ZNF626: variants seen among roughly 807,000 people sequenced by gnomAD.
ZNF626 encodes the protein zinc finger protein 626, also known as CTC-513N18.7.
ZNF626 carries 4 observed loss-of-function variants against 11.7 expected under a neutral mutation model. That is an observed-to-expected ratio of 0.34 (90% CI 0.17 to 0.78). The LOEUF (loss-of-function observed/expected upper bound fraction) is 0.78. Ranked by LOEUF, ZNF626 falls within the 30% of genes least tolerant of loss-of-function variation. The pLI is 0.57. For synonymous variants in ZNF626, 179 were observed against 198.6 expected (o/e 0.90, Z 0.83); for missense variants, 588 against 587.1 (o/e 1.00, Z -0.01).
At chr19:20,658,245 C>G (rs1053616313) in intron 1 of ZNF626, among the ~76,000 whole-genome samples, 1 of 152,110 alleles carries the variant, frequency 6.6e-6, no homozygotes. Context: ...AGATTATAAC[C>G]GGGAGGTCCA....
chr19:20,641,936 C>A (rs990871661), intron 3 of ZNF626, among the ~76,000 whole-genome samples: 4 of 141,742 alleles, frequency 2.8e-5, no homozygotes, highest in African/African-American at 8.0e-5. Flanking sequence ...AAAAAAAAAA[C>A]TGAAAAAAAT....
At chr19:20,633,802 G>A (rs78372521) in intron 3 of ZNF626, among the ~76,000 whole-genome samples, 11 of 152,080 alleles carry the variant, frequency 7.2e-5, no homozygotes, top group Admixed American at 2.6e-4. Flanking sequence ...ACCATCCTGC[G>A]CCTACTGTCT....
rs567636048 is a variant in ZNF626 at position 20,625,394 on chromosome 19, G to A, written c.483C>T (p.Asn161=). The A allele has an allele frequency of 2.9e-5, 47 of 1,614,010 alleles. No homozygotes were observed. In the South Asian group the frequency reaches 3.5e-4, roughly 12 times the overall value. Residue 161 remains asparagine, a synonymous_variant, in exon 4 of 4, where the codon AAC becomes AAT. Coordinates refer to ENST00000601440, the MANE Select transcript of ZNF626 (RefSeq NM_001076675.3). ...TCCCAGTATGTCCTCTCTTTTGTCC[G>A]TTTGAATTTGGAAATTGATGAAGGA... is the stretch of plus-strand genomic sequence containing the variant. ...VKVLHQFPNS[N]GQKRGHTGKK...
intron 1 of ZNF626, among the ~76,000 whole-genome samples, chr19:20,657,710 CAGG>C (rs1453324707): frequency 2.0e-5 from 3 of 151,912 alleles, no homozygotes; most frequent in East Asian, 1.9e-4. Context: ...GAGGCTGAGG[CAGG>C]AGAATTGCTT....
chr19:20,630,686 C>G (rs1382764780), intron 3 of ZNF626, among the ~76,000 whole-genome samples: 1 of 152,008 alleles, frequency 6.6e-6, no homozygotes, highest in Non-Finnish European at 1.5e-5. Context: ...CTTTATTAGT[C>G]TTGCTAGTGG....
rs551497430 is a variant in ZNF626 at position 20,658,671 on chromosome 19, G to T, written c.3+2773C>A. Among the ~76,000 whole-genome samples, 5 of 152,126 alleles carry T rather than the reference G, an allele frequency of 3.3e-5. No individual in the cohort carries two copies. In the South Asian group the frequency reaches 1.0e-3, roughly 32 times the overall value. On this transcript the variant is annotated intron_variant, in intron 1 of 3. Transcript: ENST00000601440. ...CTGGCCCCAGTGATATCTTTTTTCT[G>T]GCACCAAATCTATAGAGTTTGCTGA...
At chr19:20,653,070 G>A (rs2144791721) in intron 1 of ZNF626, among the ~76,000 whole-genome samples, 1 of 152,220 alleles carries the variant, frequency 6.6e-6, no homozygotes, top group East Asian at 1.9e-4. Context: ...TAAGAAATAG[G>A]CAGAAACACA....
At chr19:20,639,029 G>A (rs185327590) in intron 3 of ZNF626, among the ~76,000 whole-genome samples, 1 of 152,178 alleles carries the variant, frequency 6.6e-6, no homozygotes, top group African/African-American at 2.4e-5. Context: ...GTCAACAACT[G>A]CTTCTGGTGA....
chr19:20,643,866 T>C (rs1328292092), intron 3 of ZNF626, among the ~76,000 whole-genome samples: 2 of 152,196 alleles, frequency 1.3e-5, no homozygotes, highest in African/African-American at 4.8e-5. Flanking sequence ...GGGATGCAGT[T>C]GTGAAACCCT....
intron 1 of ZNF626, among the ~76,000 whole-genome samples, chr19:20,660,132 T>G (rs1970248201): frequency 6.6e-6 from 1 of 151,284 alleles, no homozygotes; most frequent in Non-Finnish European, 1.5e-5. Flanking sequence ...TGATGGTGCA[T>G]GCCTGTAATC....
chr19:20,633,502 C>T (rs10423012), intron 3 of ZNF626, among the ~76,000 whole-genome samples: 11,329 of 151,616 alleles, frequency 0.075, 1,194 homozygotes, highest in African/African-American at 0.24. Flanking sequence ...GGGCGCCCCT[C>T]GCCCAGCCTC....
chr19:20,628,350 A>C (rs553781207), intron 3 of ZNF626, among the ~76,000 whole-genome samples: 91 of 151,820 alleles, frequency 6.0e-4, no homozygotes, highest in African/African-American at 2.0e-3. Flanking sequence ...CTGAGGAATC[A>C]CCACACTGAC....
intron 3 of ZNF626, among the ~76,000 whole-genome samples, chr19:20,636,879 G>C (rs1490088859): frequency 6.6e-6 from 1 of 151,928 alleles, no homozygotes; most frequent in East Asian, 1.9e-4. Context: ...AAATTATTTG[G>C]GCATGGTGGC....
intron 1 of ZNF626, among the ~76,000 whole-genome samples, chr19:20,647,275 C>T (rs1181274118): frequency 1.3e-5 from 2 of 151,886 alleles, no homozygotes; most frequent in African/African-American, 4.8e-5. Flanking sequence ...AAACAAACAG[C>T]CCTCATTTAC....
chr19:20,660,721 A>T (rs1478500859), intron 1 of ZNF626, among the ~76,000 whole-genome samples: 1 of 151,808 alleles, frequency 6.6e-6, no homozygotes, highest in Non-Finnish European at 1.5e-5. Context: ...GCGCCCAGCA[A>T]GAAAGGGGTT....
rs1970066618 is a variant in ZNF626, at chr19:20,645,519, TAAAA to T, written c.226+161_226+164del. The T allele has an allele frequency of 2.6e-6, 4 of 1,566,478 alleles. No individual in the cohort carries two copies. The East Asian group carries it at 9.1e-5, about 35-fold the overall frequency. On this transcript the variant is annotated intron_variant, in intron 3 of 3. Transcript: ENST00000601440. ...GAAGATGCCCCTTTGTAAGCAAAAT[TAAAA>T]AAGAAAAAACCAAACAAACAAACAA...
intron 1 of ZNF626, among the ~76,000 whole-genome samples, chr19:20,659,638 T>C (rs1970242806): frequency 6.6e-6 from 1 of 152,120 alleles, no homozygotes; most frequent in Admixed American, 6.5e-5. Context: ...AGAAAAGCCC[T>C]TTTCTGCCTA....
chr19:20,641,045 A>G (rs1404831761), intron 3 of ZNF626, among the ~76,000 whole-genome samples: 4 of 151,540 alleles, frequency 2.6e-5, no homozygotes, highest in African/African-American at 9.7e-5. Flanking sequence ...CTGAAGCAGG[A>G]GAATCGCTTG....
At chr19:20,656,627 A>T (rs1371317176) in intron 1 of ZNF626, among the ~76,000 whole-genome samples, 1 of 152,174 alleles carries the variant, frequency 6.6e-6, no homozygotes, top group Non-Finnish European at 1.5e-5. Context: ...AAGTAGGCAA[A>T]TAACACGAAC....
Sources: gnomAD v4.1 joint callset for allele counts (sites outside exome capture counted in the v4.1 genomes callset) on GRCh38, gnomAD v4.1.1 for gene constraint, MANE v1.5 for transcripts, NCBI Gene and HGNC (gene_info 2026-07-23, HGNC 2026-07-21) for gene names.